Variants in PRKG1 observed in about 807,000 individuals in gnomAD.
The protein encoded by PRKG1 is protein kinase cGMP-dependent 1.
Under a neutral mutation model 88.1 loss-of-function variants are expected in PRKG1, and 35 were observed. The observed-to-expected ratio is 0.40, with a 90% CI of 0.30 to 0.53. The LOEUF (loss-of-function observed/expected upper bound fraction) is 0.53, where lower values mean the gene tolerates loss of function less well. Among genes scored for constraint, PRKG1 ranks in the 20% least tolerant of loss-of-function variants. PRKG1 has a pLI of 0.59. For missense variants in PRKG1, 540 were observed against 839.8 expected (o/e 0.64, Z 4.41); for synonymous variants, 303 against 292.5 (o/e 1.04, Z -0.37).
chr10:52,231,664 T>C (rs1291862200), intron 9 of PRKG1, among the ~76,000 whole-genome samples: 2 of 152,156 alleles, frequency 1.3e-5, no homozygotes, highest in Admixed American at 6.5e-5. Context: ...CTGTTGGATT[T>C]AAGAATAGAT....
rs140202884 is a variant in PRKG1 at position 51,106,979 on chromosome 10, G to C, written c.311+32078G>C. On this transcript the variant is annotated intron_variant, in intron 1 of 17. Transcript: ENST00000373980. Reference sequence around the variant, plus strand: ...AAAAATAAAATACAAGTAAGTGAATGCAGATGGTAACAAATGTTTTGAATG... The same window carrying C: ...AAAAATAAAATACAAGTAAGTGAATCCAGATGGTAACAAATGTTTTGAATG... Among the ~76,000 whole-genome samples, 4 of 152,340 alleles carry C rather than the reference G, an allele frequency of 2.6e-5. No individual in the cohort carries two copies. The East Asian group carries it at 7.7e-4, about 29-fold the overall frequency.
rs57226820 is a variant in PRKG1 at position 51,719,156 on chromosome 10, A to AAAAAGAGAG, written c.593-85428_593-85427insAAAGAGAGA. 1.3e-4 allele frequency among the ~76,000 whole-genome samples: 19 copies of AAAAAGAGAG among 150,302 alleles called. No individual in the cohort carries two copies. In the East Asian group the frequency reaches 1.4e-3, roughly 11 times the overall value. On this transcript the variant is annotated intron_variant, in intron 3 of 17. Coordinates refer to ENST00000373980, the MANE Select transcript of PRKG1 (RefSeq NM_006258.4). ...CAGAGCAATATCCTGTCTCAAAAAAAAGAGAGAGAGAGAGAGGGAAATTCC... is the reference window on the plus strand; with the variant it reads ...CAGAGCAATATCCTGTCTCAAAAAAAAAAAGAGAGAGAGAGAGAGAGAGAGGGAAATTCC...
chr10:52,106,653 G>A (rs1847429963), intron 7 of PRKG1, among the ~76,000 whole-genome samples: 2 of 150,728 alleles, frequency 1.3e-5, no homozygotes, highest in Admixed American at 6.6e-5. Context: ...GCAGTGAGCC[G>A]AGATCGCGCC....
chr10:51,032,036 T>C lies in PRKG1; in HGVS notation c.266+40392T>C, dbSNP rs1363841693. Among the ~76,000 whole-genome samples the C allele has an allele frequency of 2.6e-5, 4 of 152,218 alleles. No homozygotes were observed. The East Asian group carries it at 7.7e-4, about 29-fold the overall frequency. ...TATAGGAAAAACATTAAAATTGTTC[T>C]GCTTCACTGAAGTTGAGTGGGGGGA... On this transcript the variant is annotated intron_variant, in intron 1 of 17. Transcript: ENST00000401604.
chr10:52,204,196 G>T (rs1839754408), intron 9 of PRKG1, among the ~76,000 whole-genome samples: 1 of 151,902 alleles, frequency 6.6e-6, no homozygotes, highest in South Asian at 2.1e-4. Context: ...CACCTCCCAG[G>T]TTCCAGCAAT....
At chr10:51,349,165 A>T (rs1241824703) in intron 2 of PRKG1, among the ~76,000 whole-genome samples, 1 of 152,186 alleles carries the variant, frequency 6.6e-6, no homozygotes, top group Non-Finnish European at 1.5e-5. Context: ...GACATAGCAC[A>T]TCTCAAACCT....
intron 3 of PRKG1, among the ~76,000 whole-genome samples, chr10:51,587,167 G>T (rs1838193721): frequency 6.6e-6 from 1 of 152,038 alleles, no homozygotes; most frequent in Admixed American, 6.6e-5. Context: ...CTAGTTGGAA[G>T]ACTTCTAAAA....
At chr10:51,523,658 A>G (rs989026596) in intron 3 of PRKG1, among the ~76,000 whole-genome samples, 1 of 152,120 alleles carries the variant, frequency 6.6e-6, no homozygotes, top group Non-Finnish European at 1.5e-5. Context: ...TGTCTCTCTT[A>G]AGATTATGGA....
At chr10:51,930,354 G>T (rs972391334) in intron 5 of PRKG1, among the ~76,000 whole-genome samples, 1 of 151,974 alleles carries the variant, frequency 6.6e-6, no homozygotes, top group Non-Finnish European at 1.5e-5. Context: ...TAATGCTAGT[G>T]AGATGTACAC....
intron 5 of PRKG1, among the ~76,000 whole-genome samples, chr10:52,005,695 T>C (rs1247334564): frequency 6.6e-6 from 1 of 152,118 alleles, no homozygotes; most frequent in Non-Finnish European, 1.5e-5. Context: ...CTGAATTTGC[T>C]GAGGGATGCA....
intron 2 of PRKG1, among the ~76,000 whole-genome samples, chr10:51,240,712 G>A (rs1299807308): frequency 6.6e-6 from 1 of 152,180 alleles, no homozygotes; most frequent in Non-Finnish European, 1.5e-5. Flanking sequence ...TGAACACCAA[G>A]AGGGGCCTCC....
chr10:51,345,815 A>G (rs544348210), intron 2 of PRKG1, among the ~76,000 whole-genome samples: 2 of 152,312 alleles, frequency 1.3e-5, no homozygotes, highest in South Asian at 4.1e-4. Flanking sequence ...GAAAGTAAGC[A>G]ATTATGGTAC....
intron 3 of PRKG1, among the ~76,000 whole-genome samples, chr10:51,492,115 G>A (rs1393599549): frequency 6.6e-6 from 1 of 152,000 alleles, no homozygotes; most frequent in Non-Finnish European, 1.5e-5. Flanking sequence ...TGATGTGTAC[G>A]TGCTTAAAAG....
At position 51,771,076 on chromosome 10, in the gene PRKG1, A is replaced by G. The variant is rs150323124; in HGVS notation, c.593-33509A>G. Among the ~76,000 whole-genome samples, 218 of 152,310 alleles carry G rather than the reference A, an allele frequency of 1.4e-3. 1 individual carries two copies. Among genetic ancestry groups the G allele is most frequent in the Middle Eastern group, 3.4e-3 (1 of 294 alleles). ...GTTACTGTACTGAATACTGTAGGCAACTGTAGCACAATGTATTTTTGTATC... is the reference window on the plus strand; with the variant it reads ...GTTACTGTACTGAATACTGTAGGCAGCTGTAGCACAATGTATTTTTGTATC... On this transcript the variant is annotated intron_variant, in intron 3 of 17. Transcript: ENST00000373980.
chr10:51,966,961 G>A (rs889608705), intron 5 of PRKG1, among the ~76,000 whole-genome samples: 4 of 152,178 alleles, frequency 2.6e-5, no homozygotes, highest in Admixed American at 2.6e-4. Context: ...CACTGTTGGT[G>A]GGACGGTAAA....
At chr10:52,094,588 T>C (rs923230978) in intron 7 of PRKG1, among the ~76,000 whole-genome samples, 1 of 152,220 alleles carries the variant, frequency 6.6e-6, no homozygotes, top group Admixed American at 6.5e-5. Flanking sequence ...GTAGCCTGAA[T>C]GGCTTAAACA....
intron 2 of PRKG1, among the ~76,000 whole-genome samples, chr10:51,335,276 G>T (rs1841846871): frequency 6.6e-6 from 1 of 151,890 alleles, no homozygotes; most frequent in African/African-American, 2.4e-5. Context: ...TAATATTTTA[G>T]TTTATCAATG....
intron 2 of PRKG1, among the ~76,000 whole-genome samples, chr10:51,242,122 A>G (rs558128890): frequency 2.0e-5 from 3 of 152,290 alleles, no homozygotes; most frequent in Admixed American, 6.5e-5. Flanking sequence ...CGTCCTATAT[A>G]TAAATGACTG....
At chr10:51,264,539 G>A (rs1266951158) in intron 2 of PRKG1, among the ~76,000 whole-genome samples, 1 of 152,174 alleles carries the variant, frequency 6.6e-6, no homozygotes, top group Non-Finnish European at 1.5e-5. Context: ...ACGGTATTCT[G>A]TGGCAAATGG....
Sources: allele counts gnomAD v4.1 joint callset (sites outside exome capture counted in the v4.1 genomes callset), GRCh38; gene constraint gnomAD v4.1.1; transcripts MANE v1.5; gene names NCBI Gene and HGNC (gene_info 2026-07-23, HGNC 2026-07-21).